The following MEGF10 variants were observed in gnomAD, a reference collection of about 807,000 sequenced individuals.
MEGF10 encodes multiple EGF like domains 10, also known as multiple epidermal growth factor-like domains protein 10.
In MEGF10, 86 loss-of-function variants were observed where a neutral mutation model predicts 147.5. The ratio of observed to expected loss-of-function variants is 0.58; its 90% CI spans 0.49 to 0.70. The LOEUF (loss-of-function observed/expected upper bound fraction) is 0.70. Ranked by LOEUF, MEGF10 falls within the 30% of genes least tolerant of loss-of-function variation. The pLI is 0.00. For missense variants in MEGF10, 1,329 were observed against 1,487.3 expected (o/e 0.89, Z 1.75); for synonymous variants, 478 against 525.5 (o/e 0.91, Z 1.24).
At chr5:127,269,490 T>A in the MEGF10 span, among the ~76,000 whole-genome samples, 3 of 152,260 alleles carry the variant, frequency 2.0e-5, no homozygotes, top group South Asian at 2.1e-4. Flanking sequence ...AGGGTATCAG[T>A]GATGGAAGAT....
the MEGF10 span, among the ~76,000 whole-genome samples, chr5:127,254,858 C>T: frequency 6.6e-6 from 1 of 151,292 alleles, no homozygotes; most frequent in Non-Finnish European, 1.5e-5. Context: ...TCGTAATCAC[C>T]TGACAGGTTC....
the MEGF10 span, among the ~76,000 whole-genome samples, chr5:127,237,473 C>G: frequency 6.6e-6 from 1 of 152,078 alleles, no homozygotes; most frequent in South Asian, 2.1e-4. Context: ...GCCTGGGCAA[C>G]AGAGCTAGAC....
Position 127,437,187 on chromosome 5 carries a change from C to T in MEGF10, c.2105-1252C>T, listed in dbSNP as rs75696378. On this transcript the variant is annotated intron_variant, in intron 16 of 24. Transcript: ENST00000503335. ...TTCACTGAGCATCAAATGGGCTAGA[C>T]GCTTCAACAGTTTTCACTGAGTCTC... Among the ~76,000 whole-genome samples the T allele has an allele frequency of 2.0e-3, 305 of 152,286 alleles. 1 individual carries two copies. Among genetic ancestry groups the T allele is most frequent in the African/African-American group, 7.0e-3 (291 of 41,550 alleles).
chr5:127,294,389 T>C lies in MEGF10; in HGVS notation c.-19+3333T>C, dbSNP rs539838410. On this transcript the variant is annotated intron_variant, in intron 1 of 24. Coordinates refer to ENST00000503335, the MANE Select transcript of MEGF10 (RefSeq NM_001256545.2). Reference sequence around the variant, plus strand: ...TGGAGAAAAGTAAATGGATGAATGATAGTCAACATTTTCTTAGCAGACAAA... The same window carrying C: ...TGGAGAAAAGTAAATGGATGAATGACAGTCAACATTTTCTTAGCAGACAAA... 1.1e-4 allele frequency among the ~76,000 whole-genome samples: 16 copies of C among 152,316 alleles called. No individual in the cohort carries two copies. The South Asian group carries it at 3.1e-3, about 30-fold the overall frequency.
the MEGF10 span, among the ~76,000 whole-genome samples, chr5:127,270,402 C>T: frequency 9.9e-5 from 15 of 151,516 alleles, no homozygotes; most frequent in South Asian, 1.9e-3. Context: ...ACCAAGCAAA[C>T]GGAAAACAAA....
chr5:127,237,207 T>G, the MEGF10 span, among the ~76,000 whole-genome samples: 2 of 152,166 alleles, frequency 1.3e-5, no homozygotes, highest in Non-Finnish European at 2.9e-5. Context: ...TAGAAGTTAT[T>G]TAACTTCGGC....
chr5:127,396,448 T>G, intron 5 of MEGF10, 84 bp from the exon 6 acceptor site: 3 of 1,436,450 alleles, frequency 2.1e-6, no homozygotes, highest in Non-Finnish European at 2.8e-6. Flanking sequence ...CCATGAGAGG[T>G]CACCAAGCCA....
intron 4 of MEGF10, among the ~76,000 whole-genome samples, chr5:127,358,143 T>C (rs555836703): frequency 6.6e-6 from 1 of 152,294 alleles, no homozygotes; most frequent in East Asian, 1.9e-4. Flanking sequence ...AATGCAAAGG[T>C]TCCTGACAAG....
chr5:127,439,304 A>G (rs1765670359), intron 17 of MEGF10, among the ~76,000 whole-genome samples: 1 of 152,234 alleles, frequency 6.6e-6, no homozygotes. Flanking sequence ...TCGGTTGAAT[A>G]AAGGAGACAA....
chr5:127,259,221 A>G, the MEGF10 span, among the ~76,000 whole-genome samples: 1 of 152,328 alleles, frequency 6.6e-6, no homozygotes, highest in Admixed American at 6.5e-5. Flanking sequence ...CAAAATAATC[A>G]TCTGCCACTC....
At chr5:127,291,925 A>C (rs1759276520) in intron 1 of MEGF10, among the ~76,000 whole-genome samples, 2 of 152,212 alleles carry the variant, frequency 1.3e-5, no homozygotes, top group Admixed American at 6.5e-5. Flanking sequence ...AGCCAAAATT[A>C]GCCATTATTA....
At chr5:127,345,999 C>T (rs1697229044) in intron 4 of MEGF10, among the ~76,000 whole-genome samples, 3 of 152,140 alleles carry the variant, frequency 2.0e-5, no homozygotes, top group Non-Finnish European at 2.9e-5. Context: ...TTCCCAATTC[C>T]ATCCAGGTGC....
At chr5:127,417,448 C>T (rs2126967031) in intron 9 of MEGF10, among the ~76,000 whole-genome samples, 190 bp from the exon 10 acceptor site, 1 of 152,292 alleles carries the variant, frequency 6.6e-6, no homozygotes, top group East Asian at 1.9e-4. Context: ...TGATTTCATA[C>T]AACATTCCTG....
At chr5:127,411,718 G>A (rs574260793) in intron 9 of MEGF10, among the ~76,000 whole-genome samples, 10 of 152,246 alleles carry the variant, frequency 6.6e-5, no homozygotes, top group Admixed American at 2.0e-4. Context: ...ACAAGTTTAC[G>A]TAAATATTTG....
Position 127,424,653 on chromosome 5 carries a change from G to T in MEGF10, c.1693+1881G>T, listed in dbSNP as rs570434329. 200 of 1,003,378 alleles carry T rather than the reference G, an allele frequency of 2.0e-4. No homozygotes were observed. The East Asian group carries it at 6.1e-3, about 30-fold the overall frequency. 62.2% of individuals were successfully genotyped at this position (1,003,378 alleles called of 1,614,324 possible). A position where few individuals can be genotyped will look rare whatever the true frequency, so the allele number is the denominator to read the frequency against. ...GAGCTACCTTGGGAAACAGGCTAAG[G>T]CTGGTGCAATGGACTTTATTTTCTA... On this transcript the variant is annotated intron_variant, in intron 13 of 24. Transcript: ENST00000503335.
At chr5:127,329,637 A>G (rs568191668) in intron 1 of MEGF10, among the ~76,000 whole-genome samples, 1 of 152,174 alleles carries the variant, frequency 6.6e-6, no homozygotes, top group South Asian at 2.1e-4. Flanking sequence ...ATGGAAAATG[A>G]GTATAACTTC....
chr5:127,404,095 C>G (rs1405529327), intron 8 of MEGF10, among the ~76,000 whole-genome samples: 1 of 152,138 alleles, frequency 6.6e-6, no homozygotes, highest in Admixed American at 6.5e-5. Flanking sequence ...TGCATCCTCA[C>G]CAGCATTTGC....
chr5:127,361,167 C>T (rs1762458065), intron 4 of MEGF10, among the ~76,000 whole-genome samples: 1 of 151,868 alleles, frequency 6.6e-6, no homozygotes, highest in Admixed American at 6.6e-5. Context: ...TTGAAACCAT[C>T]TGGAATTGGA....
At chr5:127,456,608 T>A (rs1766371745) in intron 24 of MEGF10, among the ~76,000 whole-genome samples, 2 of 152,228 alleles carry the variant, frequency 1.3e-5, no homozygotes, top group Admixed American at 1.3e-4. Flanking sequence ...GACAGCTTTT[T>A]AAAATGCAAG....
Sources: gnomAD v4.1 joint callset for allele counts (sites outside exome capture counted in the v4.1 genomes callset) on GRCh38, gnomAD v4.1.1 for gene constraint, MANE v1.5 for transcripts, NCBI Gene and HGNC (gene_info 2026-07-23, HGNC 2026-07-21) for gene names.